Variants in SLC9A9 observed in about 807,000 individuals in gnomAD.
The protein encoded by SLC9A9 is sodium/hydrogen exchanger 9.
In SLC9A9, 62 loss-of-function variants were observed where a neutral mutation model predicts 77.8. The observed-to-expected ratio is 0.80, with a 90% CI of 0.65 to 0.98. The LOEUF (loss-of-function observed/expected upper bound fraction) is 0.98. SLC9A9 is among the 50% of genes least tolerant of loss of function. SLC9A9 has a pLI of 0.00. For missense variants in SLC9A9, 775 were observed against 774.9 expected (o/e 1.00, Z 0.00); for synonymous variants, 320 against 283.5 (o/e 1.13, Z -1.29).
intron 12 of SLC9A9, among the ~76,000 whole-genome samples, chr3:143,401,562 T>G (rs1381370306): frequency 3.3e-5 from 5 of 152,190 alleles, no homozygotes; most frequent in Admixed American, 3.3e-4. Context: ...TGAAATTTCT[T>G]AAGAAATCCA....
intron 6 of SLC9A9, chr3:143,620,513 C>T (rs1373891469): frequency 6.6e-6 from 1 of 152,280 alleles, no homozygotes; most frequent in Non-Finnish European, 1.5e-5. Context: ...TGGACAAGCA[C>T]CAGGGAGCCC....
intron 14 of SLC9A9, among the ~76,000 whole-genome samples, chr3:143,341,790 T>C (rs148269871): frequency 2.9e-3 from 442 of 152,286 alleles, no homozygotes; most frequent in African/African-American, 9.7e-3. Context: ...GATAAGACCG[T>C]TAATTTATCA....
intron 13 of SLC9A9, among the ~76,000 whole-genome samples, chr3:143,366,889 C>T (rs2032923274): frequency 6.6e-6 from 1 of 152,136 alleles, no homozygotes; most frequent in African/African-American, 2.4e-5. Flanking sequence ...TGGAATGCTC[C>T]TCCTGCAGGC....
chr3:143,289,597 T>G (rs1938479994), intron 14 of SLC9A9, among the ~76,000 whole-genome samples: 1 of 152,162 alleles, frequency 6.6e-6, no homozygotes. Flanking sequence ...CTCTCCCTTC[T>G]GCACAACAGT....
At chr3:143,495,873 G>GT (rs569269076) in intron 9 of SLC9A9, among the ~76,000 whole-genome samples, 10 of 151,920 alleles carry the variant, frequency 6.6e-5, no homozygotes, top group East Asian at 1.9e-4. Context: ...CTGAACAACT[G>GT]TTTTTTTTAA....
At chr3:143,806,701 T>C (rs1172046016) in intron 2 of SLC9A9, among the ~76,000 whole-genome samples, 1 of 148,994 alleles carries the variant, frequency 6.7e-6, no homozygotes, top group Non-Finnish European at 1.5e-5. Context: ...AGTAGAATGA[T>C]GGTTACCAGA....
intron 13 of SLC9A9, among the ~76,000 whole-genome samples, chr3:143,367,736 T>C (rs1250465344): frequency 6.6e-6 from 1 of 152,158 alleles, no homozygotes; most frequent in Non-Finnish European, 1.5e-5. Flanking sequence ...GAAGCAGAGA[T>C]CAGCTCACAC....
At chr3:143,372,756 C>G (rs545486705) in intron 13 of SLC9A9, among the ~76,000 whole-genome samples, 92 of 151,986 alleles carry the variant, frequency 6.1e-4, no homozygotes, top group Admixed American at 2.2e-3. Flanking sequence ...TCAAACGGAT[C>G]AAGAAAAATA....
At chr3:143,743,081 A>T (rs1935112432) in intron 4 of SLC9A9, among the ~76,000 whole-genome samples, 1 of 151,860 alleles carries the variant, frequency 6.6e-6, no homozygotes, top group African/African-American at 2.4e-5. Context: ...TTTAGACACT[A>T]CTCCACTTCC....
chr3:143,803,835 G>A (rs2008635728), intron 2 of SLC9A9, among the ~76,000 whole-genome samples: 1 of 152,022 alleles, frequency 6.6e-6, no homozygotes, highest in African/African-American at 2.4e-5. Context: ...GACATCTCCT[G>A]TCTCCCTAAA....
intron 14 of SLC9A9, among the ~76,000 whole-genome samples, chr3:143,282,504 C>T (rs1045226746): frequency 4.6e-5 from 7 of 152,180 alleles, no homozygotes; most frequent in African/African-American, 1.7e-4. Flanking sequence ...CTCCTCCTTA[C>T]AATATAAGCC....
chr3:143,753,899 A>G (rs1022726245), intron 4 of SLC9A9, among the ~76,000 whole-genome samples: 1 of 152,190 alleles, frequency 6.6e-6, no homozygotes, highest in African/African-American at 2.4e-5. Context: ...AAAGAGAGAA[A>G]AAGTTCTTCA....
chr3:143,345,207 A>T (rs140796993), intron 14 of SLC9A9, among the ~76,000 whole-genome samples: 1 of 152,336 alleles, frequency 6.6e-6, no homozygotes, highest in East Asian at 1.9e-4. Flanking sequence ...TTTTGTTTCC[A>T]TGTTATTGTA....
chr3:143,626,595 A>G (rs1466179879), intron 6 of SLC9A9, among the ~76,000 whole-genome samples: 1 of 151,498 alleles, frequency 6.6e-6, no homozygotes, highest in Non-Finnish European at 1.5e-5. Flanking sequence ...GAAGGGGAAC[A>G]TCACACACCG....
At chr3:143,303,482 G>A (rs2030628305) in intron 14 of SLC9A9, among the ~76,000 whole-genome samples, 2 of 152,206 alleles carry the variant, frequency 1.3e-5, no homozygotes, top group South Asian at 4.1e-4. Context: ...AATATTGCTG[G>A]TGTGTTCTTG....
chr3:143,521,782 C>A (rs1002918208), intron 9 of SLC9A9, among the ~76,000 whole-genome samples: 5 of 151,924 alleles, frequency 3.3e-5, no homozygotes. Flanking sequence ...TTGAATAATT[C>A]ATTTCTTATG....
chr3:143,663,080 C>T (rs575243038), intron 5 of SLC9A9, among the ~76,000 whole-genome samples: 58 of 152,184 alleles, frequency 3.8e-4, no homozygotes, highest in East Asian at 1.9e-4. Context: ...CCCTCTGAGA[C>T]GAAGCTTCCA....
intron 4 of SLC9A9, among the ~76,000 whole-genome samples, chr3:143,733,350 GA>G (rs1934855889): frequency 2.0e-5 from 3 of 152,270 alleles, no homozygotes; most frequent in Admixed American, 2.0e-4. Context: ...AAGGGGAGAA[GA>G]AATGGGGGTA....
At chr3:143,429,455 G>C (rs893018149) in intron 12 of SLC9A9, among the ~76,000 whole-genome samples, 1 of 152,228 alleles carries the variant, frequency 6.6e-6, no homozygotes, top group African/African-American at 2.4e-5. Context: ...GGAGAAGGTA[G>C]AACAGATAAA....
Sources: allele counts gnomAD v4.1 joint callset (sites outside exome capture counted in the v4.1 genomes callset), GRCh38; gene constraint gnomAD v4.1.1; transcripts MANE v1.5; gene names NCBI Gene and HGNC (gene_info 2026-07-23, HGNC 2026-07-21).